Variants in SYNE2 observed in about 807,000 individuals in gnomAD.
SYNE2 encodes the protein spectrin repeat containing nuclear envelope protein 2, also known as nesprin-2.
SYNE2 carries 431 observed loss-of-function variants against 856.3 expected under a neutral mutation model. The ratio of observed to expected loss-of-function variants is 0.50; its 90% CI spans 0.47 to 0.55. The LOEUF (loss-of-function observed/expected upper bound fraction) is 0.55. SYNE2 is among the 20% of genes least tolerant of loss of function. SYNE2 has a pLI of 0.00. For synonymous variants in SYNE2, 2,923 were observed against 2,872.3 expected, an observed-to-expected ratio of 1.02 and a Z score of -0.56; for missense variants, 8,129 against 8,023.2, an observed-to-expected ratio of 1.01 and a Z score of -0.50.
At chr14:64,073,628 C>T (rs567264643) in intron 52 of SYNE2, among the ~76,000 whole-genome samples, 1 of 152,256 alleles carries the variant, frequency 6.6e-6, no homozygotes, top group South Asian at 2.1e-4. Context: ...CCCCAAGAGC[C>T]CACCTGTGAT....
chr14:64,053,900 C>T (rs534392243), intron 48 of SYNE2, among the ~76,000 whole-genome samples: 10 of 152,236 alleles, frequency 6.6e-5, no homozygotes, highest in Middle Eastern at 3.4e-3. Context: ...ACCAGGGTGG[C>T]GCAAGTTGTA....
intron 61 of SYNE2, chr14:64,095,202 G>C (rs1041792445): frequency 1.8e-5 from 3 of 169,084 alleles, no homozygotes; most frequent in African/African-American, 4.8e-5. Context: ...AGACAATCCA[G>C]CCTCTCAAAG....
chr14:64,150,817 CAG>C (rs1161483882), intron 84 of SYNE2, among the ~76,000 whole-genome samples: 1 of 152,034 alleles, frequency 6.6e-6, no homozygotes, highest in African/African-American at 2.4e-5. Context: ...ATAAGGCTGT[CAG>C]GGTGTGAGGG....
At chr14:63,928,244 T>G (rs1157429704) in intron 2 of SYNE2, among the ~76,000 whole-genome samples, 4 of 152,014 alleles carry the variant, frequency 2.6e-5, no homozygotes, top group Non-Finnish European at 4.4e-5. Flanking sequence ...TGGGGAGAGA[T>G]AGGGCGGTAG....
intron 1 of SYNE2, among the ~76,000 whole-genome samples, chr14:63,855,582 AC>A (rs1277909458): frequency 6.6e-6 from 1 of 151,528 alleles, no homozygotes; most frequent in Admixed American, 6.6e-5. Context: ...TGTTGATCTG[AC>A]CCCCTTCACT....
intron 1 of SYNE2, among the ~76,000 whole-genome samples, chr14:63,859,467 T>C (rs1286259231): frequency 3.3e-5 from 5 of 152,016 alleles, no homozygotes; most frequent in African/African-American, 1.2e-4. Flanking sequence ...CAGTACTACT[T>C]TAGTGACATC....
At chr14:64,169,905 C>T (rs1338134400) in intron 93 of SYNE2, among the ~76,000 whole-genome samples, 1 of 152,106 alleles carries the variant, frequency 6.6e-6, no homozygotes, top group Non-Finnish European at 1.5e-5. Flanking sequence ...CATCTGTTTC[C>T]CTTTGATCCA....
intron 1 of SYNE2, among the ~76,000 whole-genome samples, chr14:63,862,371 C>T (rs1477496621): frequency 6.6e-6 from 1 of 152,104 alleles, no homozygotes; most frequent in Admixed American, 6.5e-5. Context: ...GCAGCCCTGA[C>T]CTCCTTGGCT....
In SYNE2 at chr14:64,053,347, C is replaced by T. The variant is rs2153577461; in HGVS notation, c.9434C>T (p.Ser3145Leu). 3.7e-6 allele frequency: 6 copies of T among 1,613,436 alleles called. No homozygotes were observed. Among genetic ancestry groups the T allele is most frequent in the Non-Finnish European group, 5.1e-6 (6 of 1,179,892 alleles). The change falls in exon 48 of 116, where the codon TCA becomes TTA. Residue 3145 changes from serine to leucine, a missense_variant. Around this residue, in one of 3 missense-constraint regions of SYNE2, gnomAD observed 5,410 missense variants for 5,284.8 expected, o/e 1.02. Coordinates refer to ENST00000555002, the MANE Select transcript of SYNE2 (RefSeq NM_182914.3). Reference sequence around the variant, plus strand: ...CTCCAAAACATGGTATTAGAACTCTCACCAAAAGAATTGGATGAAAAGAAT... The same window carrying T: ...CTCCAAAACATGGTATTAGAACTCTTACCAAAAGAATTGGATGAAAAGAAT... ...KVLQNMVLEL[S>L]PKELDEKNCQ...
Position 63,976,559 on chromosome 14 carries a change from T to TTTTG in SYNE2, c.1129-4_1129-3insTTTG. On this transcript the variant is annotated splice_region_variant and splice_polypyrimidine_tract_variant and intron_variant, in intron 11 of 115. Coordinates refer to ENST00000555002, the MANE Select transcript of SYNE2 (RefSeq NM_182914.3). Reference sequence around the variant, plus strand: ...TATGTTCTTTTTTTTTTTTTTTTTTTCAGATTAATGCATGGAAAATAAAGC... The same window carrying TTTTG: ...TATGTTCTTTTTTTTTTTTTTTTTTTTTTGCAGATTAATGCATGGAAAATAAAGC... 6.5e-7 allele frequency: 1 copy of TTTTG among 1,538,952 alleles called. No individual in the cohort carries two copies. Among genetic ancestry groups the TTTTG allele is most frequent in the Non-Finnish European group, 8.7e-7 (1 of 1,146,348 alleles).
intron 55 of SYNE2, among the ~76,000 whole-genome samples, chr14:64,080,068 C>T (rs964683345): frequency 6.7e-5 from 10 of 149,128 alleles, no homozygotes; most frequent in South Asian, 4.2e-4. Context: ...TGTGTGTGCG[C>T]GTGCGTGTGT....
At chr14:63,840,800 G>A (rs1433349378) in intron 1 of SYNE2, among the ~76,000 whole-genome samples, 3 of 152,074 alleles carry the variant, frequency 2.0e-5, no homozygotes, top group African/African-American at 4.8e-5. Context: ...ATCCCCTGAG[G>A]TCGGGAGTTT....
intron 38 of SYNE2, chr14:64,023,351 CTATT>C (rs1374940328): frequency 4.4e-5 from 7 of 159,444 alleles, no homozygotes; most frequent in African/African-American, 1.2e-4. Context: ...ATTTAAGACT[CTATT>C]TATTGGGTGT....
intron 81 of SYNE2, 83 bp downstream of exon 81, chr14:64,141,606 A>G: frequency 6.9e-7 from 1 of 1,450,640 alleles, no homozygotes; most frequent in Non-Finnish European, 9.6e-7. Context: ...CTGACTCAAT[A>G]ATTTTCATTG....
chr14:63,771,001 C>T (rs917245967), intron 1 of SYNE2, among the ~76,000 whole-genome samples: 3 of 151,836 alleles, frequency 2.0e-5, no homozygotes, highest in Admixed American at 6.6e-5. Context: ...TCATCATGCC[C>T]GACCTAAAAT....
In SYNE2 at chr14:63,903,437, G is replaced by T. The variant is rs148552711; in HGVS notation, c.-51-5661G>T. Among the ~76,000 whole-genome samples the T allele has an allele frequency of 8.9e-4, 135 of 151,752 alleles. 1 individual carries two copies. Among genetic ancestry groups the T allele is most frequent in the Middle Eastern group, 3.4e-3 (1 of 294 alleles). The stretch of plus-strand genomic sequence containing the variant: ...TCCAGCTATTTTAAGGTCTTAATTG[G>T]TTTTTTTTGGGTGCTATGTTATCTA... On this transcript the variant is annotated intron_variant, in intron 1 of 115. Transcript: ENST00000555002.
chr14:63,883,209 C>A (rs1180355410), intron 1 of SYNE2, among the ~76,000 whole-genome samples: 1 of 152,088 alleles, frequency 6.6e-6, no homozygotes, highest in Non-Finnish European at 1.5e-5. Flanking sequence ...CAGGCACATG[C>A]CACCACGCTT....
chr14:63,771,892 G>A (rs373269193), intron 1 of SYNE2, among the ~76,000 whole-genome samples: 5 of 146,902 alleles, frequency 3.4e-5, no homozygotes, highest in Admixed American at 6.6e-5. Flanking sequence ...GTGAGACTCT[G>A]TCTCAAAAAG....
At position 64,080,535 on chromosome 14, in the gene SYNE2, A is replaced by G. The variant is rs771308787; in HGVS notation, c.11243A>G (p.Asp3748Gly). The G allele has an allele frequency of 1.9e-6, 3 of 1,614,180 alleles. No individual in the cohort carries two copies. In the East Asian group the frequency reaches 6.7e-5, roughly 36 times the overall value. Residue 3748 changes from aspartate (D) to glycine (G), a missense_variant, in exon 56 of 116, where the codon GAC becomes GGC. Asp to Gly is a moderately conservative substitution (Grantham distance 94). Coordinates refer to ENST00000555002, the MANE Select transcript of SYNE2 (RefSeq NM_182914.3). ...DSEVQDIVEQ[D>G]PGQAQEWMDN... ...GAAGTTCAGGACATTGTTGAACAGGACCCAGGACAGGCTCAAGAATGGATG... is the reference window on the plus strand; with the variant it reads ...GAAGTTCAGGACATTGTTGAACAGGGCCCAGGACAGGCTCAAGAATGGATG...
Sources: allele counts gnomAD v4.1 joint callset (sites outside exome capture counted in the v4.1 genomes callset), GRCh38; gene constraint gnomAD v4.1.1; regional missense constraint gnomAD v4.1.1; transcripts MANE v1.5; gene names NCBI Gene and HGNC (gene_info 2026-07-23, HGNC 2026-07-21).